Variants in PAAF1 observed in about 807,000 individuals in gnomAD.
The protein encoded by PAAF1 is proteasomal ATPase associated factor 1, also known as proteasomal ATPase-associated factor 1.
A neutral mutation model predicts 52.8 loss-of-function variants in PAAF1; 46 were observed. That is an observed-to-expected ratio of 0.87 (90% CI 0.69 to 1.11). The LOEUF is 1.11. Among genes scored for constraint, PAAF1 ranks in the 50% most tolerant of loss-of-function variants. The pLI is 0.00. For missense variants in PAAF1, 424 were observed against 477.4 expected (o/e 0.89, Z 1.04); for synonymous variants, 178 against 172.8 (o/e 1.03, Z -0.24).
chr11:73,882,181 A>G (rs1373502950), intron 2 of PAAF1, among the ~76,000 whole-genome samples: 1 of 147,678 alleles, frequency 6.8e-6, no homozygotes, highest in Non-Finnish European at 1.5e-5. Context: ...GTGCCCCGCA[A>G]TTTTTTGTAT....
intron 4 of PAAF1, among the ~76,000 whole-genome samples, chr11:73,896,888 C>T (rs1429160593): frequency 2.0e-5 from 3 of 151,284 alleles, no homozygotes; most frequent in South Asian, 2.1e-4. Flanking sequence ...GCAGAGGCGC[C>T]CCTCACCTCC....
intron 6 of PAAF1, among the ~76,000 whole-genome samples, chr11:73,903,785 A>G (rs916530788): frequency 1.3e-5 from 2 of 151,078 alleles, no homozygotes; most frequent in African/African-American, 4.9e-5. Context: ...ATATAAAAAG[A>G]AACATTAAAA....
At chr11:73,878,109 C>G (rs1190777943) in intron 1 of PAAF1, among the ~76,000 whole-genome samples, 2 of 152,142 alleles carry the variant, frequency 1.3e-5, no homozygotes, top group Non-Finnish European at 2.9e-5. Flanking sequence ...TTACACCTTA[C>G]TAAATTTATA....
intron 9 of PAAF1, among the ~76,000 whole-genome samples, chr11:73,917,041 G>A (rs1210935597): frequency 1.3e-5 from 2 of 152,120 alleles, no homozygotes; most frequent in East Asian, 1.9e-4. Context: ...TATTTTTTGA[G>A]ATGGAGTCTC....
intron 11 of PAAF1, among the ~76,000 whole-genome samples, chr11:73,926,601 T>A (rs910807477): frequency 1.3e-5 from 2 of 152,056 alleles, no homozygotes; most frequent in Middle Eastern, 3.4e-3. Flanking sequence ...CCCAGCTACT[T>A]GGGAGGCTGA....
At position 73,899,199 on chromosome 11, in the gene PAAF1, T is replaced by A; in HGVS notation, c.336T>A (p.Thr112=). 6.2e-7 allele frequency: 1 copy of A among 1,614,140 alleles called. No homozygotes were observed. Among genetic ancestry groups the A allele is most frequent in the Non-Finnish European group, 8.5e-7 (1 of 1,180,020 alleles). Residue 112 remains threonine (T), a synonymous_variant, in exon 5 of 12, where the codon ACT becomes ACA. Transcript: ENST00000310571. ...GAGGTCTTGGTGTGTCTTCTAGTAC[T>A]GACGGGACCATGAAAATCTGGCAGG... ...SRGGLGVSSS[T]DGTMKIWQAS...
chr11:73,909,039 G>A (rs892598540), intron 6 of PAAF1, among the ~76,000 whole-genome samples: 4 of 151,006 alleles, frequency 2.6e-5, no homozygotes, highest in South Asian at 4.2e-4. Context: ...CACCTGCCTC[G>A]GCCTCCCAAA....
At chr11:73,925,465 CAAA>C (rs369208529) in intron 11 of PAAF1, among the ~76,000 whole-genome samples, 6 of 83,480 alleles carry the variant, frequency 7.2e-5, no homozygotes, top group Admixed American at 1.4e-4. Context: ...GACCCTGTCT[CAAA>C]AAAAAAAAAA....
intron 8 of PAAF1, 40 bp from the exon 9 acceptor site, chr11:73,916,500 CAAATT>C: frequency 7.6e-7 from 1 of 1,308,620 alleles, no homozygotes; most frequent in East Asian, 2.5e-5. Flanking sequence ...TTCTTGGAAA[CAAATT>C]AATCTTTAAA....
intron 4 of PAAF1, among the ~76,000 whole-genome samples, chr11:73,898,226 GGGAGAGGGAGAGGGAGAGGGAGAA>G (rs1949483346): frequency 3.4e-5 from 5 of 146,702 alleles, no homozygotes; most frequent in South Asian, 2.2e-4. Context: ...GGGAGGGAGA[GGGAGAGGGAGAGGGAGAGGGAGAA>G]GGAGAGGGAG....
chr11:73,908,598 T>C (rs1001068960), intron 6 of PAAF1, among the ~76,000 whole-genome samples: 3 of 151,662 alleles, frequency 2.0e-5, no homozygotes, highest in Non-Finnish European at 4.4e-5. Context: ...AGAGTCATGC[T>C]GTGTCACCCA....
chr11:73,888,144 ATTTC>A (rs1451790862), intron 3 of PAAF1, among the ~76,000 whole-genome samples: 1 of 152,128 alleles, frequency 6.6e-6, no homozygotes, highest in African/African-American at 2.4e-5. Context: ...GATATTTTAC[ATTTC>A]TTTTTCTTAT....
At chr11:73,882,924 G>A (rs1304891164) in intron 2 of PAAF1, among the ~76,000 whole-genome samples, 1 of 151,502 alleles carries the variant, frequency 6.6e-6, no homozygotes, top group East Asian at 1.9e-4. Flanking sequence ...TTTTGAGACA[G>A]GGTCTTGCCC....
chr11:73,900,981 CAAAAAAAAAAAAAAAAAAAAAA>C (rs5792636), intron 6 of PAAF1, among the ~76,000 whole-genome samples: 1 of 59,548 alleles, frequency 1.7e-5, no homozygotes, highest in Non-Finnish European at 3.1e-5. Flanking sequence ...GACTCCGTCT[CAAAAAAAAAAAAAAAAAAAAAA>C]AAAAAAAAAA....
rs1950423346 is a variant in PAAF1 at position 73,929,224 on chromosome 11, T to G, written c.*1862T>G. On this transcript the variant is annotated 3_prime_UTR_variant, in exon 12 of 12. Coordinates refer to ENST00000310571, the MANE Select transcript of PAAF1 (RefSeq NM_025155.3). ...ACCACACTCGGCTAATTTTTTAAAT[T>G]TTTTGTAGAGACAGAGTCTCACCAT... 6.6e-6 allele frequency: 1 copy of G among 151,976 alleles called. No individual in the cohort carries two copies. 9.4% of individuals were successfully genotyped at this position (151,976 alleles called of 1,614,324 possible). A position where few individuals can be genotyped will look rare whatever the true frequency, so the allele number is the denominator to read the frequency against.
intron 6 of PAAF1, among the ~76,000 whole-genome samples, chr11:73,903,497 A>G (rs1171596858): frequency 6.6e-6 from 1 of 152,076 alleles, no homozygotes; most frequent in East Asian, 1.9e-4. Flanking sequence ...CGGGTGGATC[A>G]TCTGAGGTCA....
intron 2 of PAAF1, 74 bp downstream of exon 2, chr11:73,878,893 T>G (rs1948819043): frequency 6.9e-7 from 1 of 1,439,366 alleles, no homozygotes; most frequent in Non-Finnish European, 9.7e-7. Flanking sequence ...AGCTTCCTAC[T>G]TTCTCCTGGC....
chr11:73,924,767 TCCAGATA>T, intron 11 of PAAF1, 70 bp downstream of exon 11: 1 of 1,222,408 alleles, frequency 8.2e-7, no homozygotes, highest in Non-Finnish European at 1.2e-6. Context: ...TGAGACTGAA[TCCAGATA>T]CCTTGTGGTC....
rs1190344830 is a variant in PAAF1, at chr11:73,928,727, TTTTTTTTG to T, written c.*1373_*1380del. The T allele has an allele frequency of 6.6e-6, 1 of 151,942 alleles. No homozygotes were observed. The highest frequency in any genetic ancestry group is 1.5e-5 in the Non-Finnish European group (1 of 67,988). The allele number at this position is 151,942 out of a possible 1,614,324, so 9.4% of individuals were successfully genotyped here. A position where few individuals can be genotyped will look rare whatever the true frequency, so the allele number is the denominator to read the frequency against. ...GGTAATAATGTTGTTGACAGAGTTCTTTTTTTTGTTTTTTTTGAGACGGAGTCTCGCTC... is the reference window on the plus strand; with the variant it reads ...GGTAATAATGTTGTTGACAGAGTTCTTTTTTTTTGAGACGGAGTCTCGCTC... On this transcript the variant is annotated 3_prime_UTR_variant, in exon 12 of 12. Transcript: ENST00000310571.
Sources: allele counts gnomAD v4.1 joint callset (sites outside exome capture counted in the v4.1 genomes callset), GRCh38; gene constraint gnomAD v4.1.1; transcripts MANE v1.5; gene names NCBI Gene and HGNC (gene_info 2026-07-23, HGNC 2026-07-21).